ARSF: variants seen among roughly 807,000 people sequenced by gnomAD.
ARSF encodes the protein arylsulfatase F.
A neutral mutation model predicts 35.4 loss-of-function variants in ARSF; 33 were observed. The observed-to-expected ratio is 0.93, with a 90% CI of 0.71 to 1.25. ARSF has a LOEUF of 1.25. Ranked by LOEUF, ARSF falls within the 50% of genes most tolerant of loss-of-function variation. ARSF has a pLI of 0.00. For missense variants in ARSF, 501 were observed against 480.2 expected, an observed-to-expected ratio of 1.04 and a Z score of -0.40; for synonymous variants, 222 against 193.1, an observed-to-expected ratio of 1.15 and a Z score of -1.24.
chrX:3,068,122 C>A lies in ARSF; in HGVS notation c.11+11C>A. The A allele has an allele frequency of 1.7e-6, 2 of 1,195,789 alleles. No individual in the cohort carries two copies. The highest frequency in any genetic ancestry group is 1.8e-5 in the African/African-American group (1 of 56,758). On this transcript the variant is annotated intron_variant, in intron 2 of 10. Coordinates refer to ENST00000381127, the MANE Select transcript of ARSF (RefSeq NM_001201539.2). ...CACAATGAGGCCCAGGTAGGTAAAGCCATATACTGCATTGTGAGCACATTG... is the reference window on the plus strand; with the variant it reads ...CACAATGAGGCCCAGGTAGGTAAAGACATATACTGCATTGTGAGCACATTG...
intron 1 of ARSF, among the ~76,000 whole-genome samples, chrX:3,067,719 C>T (rs996326589): frequency 4.5e-5 from 5 of 110,194 alleles, no homozygotes; most frequent in East Asian, 2.8e-4. Flanking sequence ...ATTAGCCGGG[C>T]GTGGTGGTGC....
chrX:3,082,893 G>C (rs143989660), intron 5 of ARSF, among the ~76,000 whole-genome samples: 171 of 110,201 alleles, frequency 1.6e-3, no homozygotes, highest in African/African-American at 4.7e-3. Context: ...GTATCCATCT[G>C]TCCACCTACA....
chrX:3,092,435 T>A (rs1443046463), intron 7 of ARSF, among the ~76,000 whole-genome samples: 1 of 111,764 alleles, frequency 8.9e-6, no homozygotes, highest in Non-Finnish European at 1.9e-5. Flanking sequence ...TTAACAAAGC[T>A]CCCAAAGTAT....
At chrX:3,082,969 CTATT>C (rs1264988095) in intron 5 of ARSF, among the ~76,000 whole-genome samples, 1 of 110,017 alleles carries the variant, frequency 9.1e-6, no homozygotes, top group Non-Finnish European at 1.9e-5. Context: ...CCTATCTTAT[CTATT>C]TATCTATCTA....
At chrX:3,097,057 G>C (rs1204375154) in intron 7 of ARSF, among the ~76,000 whole-genome samples, 2 of 111,566 alleles carry the variant, frequency 1.8e-5, no homozygotes, top group Non-Finnish European at 3.8e-5. Context: ...CAGAGAGAGA[G>C]AGTGACTCTG....
At chrX:3,093,894 G>A (rs2090320582) in intron 7 of ARSF, among the ~76,000 whole-genome samples, 1 of 111,795 alleles carries the variant, frequency 8.9e-6, no homozygotes, top group Non-Finnish European at 1.9e-5. Flanking sequence ...AGCCTCACCA[G>A]CATCTGTTCC....
intron 1 of ARSF, among the ~76,000 whole-genome samples, chrX:3,067,137 TGTGTGTGTGTGTGAGTGTGCGTGC>T: frequency 9.4e-6 from 1 of 105,919 alleles, no homozygotes; most frequent in Non-Finnish European, 1.9e-5. Context: ...AGAACGTGTG[TGTGTGTGTGTGTGAGTGTGCGTGC>T]GTGTGTGTCT....
chrX:3,077,950 C>G, intron 4 of ARSF, among the ~76,000 whole-genome samples: 1 of 105,715 alleles, frequency 9.5e-6, no homozygotes, highest in Non-Finnish European at 1.9e-5. Context: ...ATTACAGGCA[C>G]GTGCCACCAG....
chrX:3,059,744 C>G (rs910264912), intron 1 of ARSF, among the ~76,000 whole-genome samples: 4 of 112,528 alleles, frequency 3.6e-5, no homozygotes, highest in African/African-American at 1.3e-4. Flanking sequence ...GGTGGGCATC[C>G]AACATTGCTG....
At chrX:3,082,470 A>G (rs971117035) in intron 5 of ARSF, among the ~76,000 whole-genome samples, 3 of 111,129 alleles carry the variant, frequency 2.7e-5, no homozygotes, top group Non-Finnish European at 5.7e-5. Context: ...TCTACCCATC[A>G]TCTATCTATC....
chrX:3,083,652 T>C (rs1182009099), intron 5 of ARSF, among the ~76,000 whole-genome samples: 3 of 111,806 alleles, frequency 2.7e-5, no homozygotes, highest in Non-Finnish European at 5.6e-5. Flanking sequence ...GCTAGCTATA[T>C]CTACATATGC....
chrX:3,062,585 G>A (rs772206044), intron 1 of ARSF, among the ~76,000 whole-genome samples: 1 of 109,470 alleles, frequency 9.1e-6, no homozygotes. Flanking sequence ...AAAGAGAGAA[G>A]AATCAAATAG....
intron 1 of ARSF, among the ~76,000 whole-genome samples, chrX:3,047,281 T>A (rs2089979388): frequency 9.1e-6 from 1 of 110,109 alleles, no homozygotes; most frequent in African/African-American, 3.3e-5. Flanking sequence ...TGGGTTCAAG[T>A]AATTCTCCCA....
At chrX:3,046,084 C>A (rs981285556) in intron 1 of ARSF, among the ~76,000 whole-genome samples, 2 of 110,962 alleles carry the variant, frequency 1.8e-5, no homozygotes, top group African/African-American at 6.6e-5. Context: ...CGGGGTTTCA[C>A]CATGTTGGCC....
chrX:3,093,036 G>C (rs1419580019), intron 7 of ARSF, among the ~76,000 whole-genome samples: 1 of 110,625 alleles, frequency 9.0e-6, no homozygotes, highest in Non-Finnish European at 1.9e-5. Flanking sequence ...CGTGGTGGCG[G>C]GCGTCTGTAG....
At chrX:3,103,355 C>T (rs188762971) in intron 8 of ARSF, among the ~76,000 whole-genome samples, 25 of 110,660 alleles carry the variant, frequency 2.3e-4, no homozygotes, top group African/African-American at 7.2e-4. Flanking sequence ...TGTTCAGGCA[C>T]GCCTCATTGA....
rs777068756 is a variant in ARSF at position 3,101,786 on chromosome X, AATGTGTAACCTG to A, written c.1102+570_1102+581del. On this transcript the variant is annotated intron_variant, in intron 8 of 10. Coordinates refer to ENST00000381127, the MANE Select transcript of ARSF (RefSeq NM_001201539.2). ...TAAGCTACTACATTGGCCAGTCTAT[AATGTGTAACCTG>A]ATGTTAGAATATTATCTTCATTTGT... Among the ~76,000 whole-genome samples the A allele has an allele frequency of 5.3e-5, 6 of 112,385 alleles. 1 individual carries two copies. Among genetic ancestry groups the A allele is most frequent in the Admixed American group, 3.8e-4 (4 of 10,578 alleles).
chrX:3,058,400 G>A (rs775964453), intron 1 of ARSF: 10 of 153,841 alleles, frequency 6.5e-5, no homozygotes, highest in East Asian at 2.0e-4. Context: ...GGTGCTGAAC[G>A]TAGTGCAGAT....
At chrX:3,065,449 A>C (rs2147487212) in intron 1 of ARSF, among the ~76,000 whole-genome samples, 1 of 108,156 alleles carries the variant, frequency 9.2e-6, no homozygotes, top group African/African-American at 3.4e-5. Context: ...TAAATAAATA[A>C]ATAAATAAAT....
Sources: allele counts gnomAD v4.1 joint callset (sites outside exome capture counted in the v4.1 genomes callset), GRCh38; gene constraint gnomAD v4.1.1; transcripts MANE v1.5; gene names NCBI Gene and HGNC (gene_info 2026-07-23, HGNC 2026-07-21).